DSCAML1: variants seen among roughly 807,000 people sequenced by gnomAD.
DSCAML1 encodes the protein DS cell adhesion molecule like 1.
Under a neutral mutation model 200.5 loss-of-function variants are expected in DSCAML1, and 38 were observed. The observed-to-expected ratio is 0.19, with a 90% CI of 0.15 to 0.25. The LOEUF (loss-of-function observed/expected upper bound fraction) is 0.25. DSCAML1 is among the 10% of genes least tolerant of loss of function. The probability of loss-of-function intolerance (pLI) is 1.00; values close to 1 mark genes in which losing one functional copy is unlikely to be tolerated. For synonymous variants in DSCAML1, 1,215 were observed against 1,165.0 expected, an observed-to-expected ratio of 1.04 and a Z score of -0.87; for missense variants, 2,223 against 2,858.8, an observed-to-expected ratio of 0.78 and a Z score of 5.07.
intron 3 of DSCAML1, among the ~76,000 whole-genome samples, chr11:117,751,997 C>T (rs2054613270): frequency 6.6e-6 from 1 of 152,134 alleles, no homozygotes; most frequent in Non-Finnish European, 1.5e-5. Flanking sequence ...GAATTATTGA[C>T]CTAATTGTTA....
chr11:117,568,530 A>G (rs1290316436), intron 3 of DSCAML1, among the ~76,000 whole-genome samples: 3 of 152,192 alleles, frequency 2.0e-5, no homozygotes, highest in Non-Finnish European at 2.9e-5. Flanking sequence ...GCAAAGTCTC[A>G]GGATACAAAA....
chr11:117,610,851 C>T (rs1052651790), intron 3 of DSCAML1, among the ~76,000 whole-genome samples: 3 of 147,812 alleles, frequency 2.0e-5, no homozygotes, highest in Non-Finnish European at 3.0e-5. Flanking sequence ...CCCCCCCCCC[C>T]CACAATGTGT....
At chr11:117,786,268 T>C (rs963027325) in intron 1 of DSCAML1, among the ~76,000 whole-genome samples, 2 of 152,236 alleles carry the variant, frequency 1.3e-5, no homozygotes, top group Non-Finnish European at 2.9e-5. Flanking sequence ...TTGGTTGTCA[T>C]GTGACAGACG....
chr11:117,618,953 G>A (rs566232545), intron 3 of DSCAML1, among the ~76,000 whole-genome samples: 9 of 152,306 alleles, frequency 5.9e-5, no homozygotes, highest in South Asian at 2.1e-4. Flanking sequence ...TACTGCAGAA[G>A]GCGAGCTCCT....
At chr11:117,443,601 C>T (rs2048114065) in intron 21 of DSCAML1, among the ~76,000 whole-genome samples, 1 of 152,192 alleles carries the variant, frequency 6.6e-6, no homozygotes, top group African/African-American at 2.4e-5. Context: ...GAGGCGACTC[C>T]CCCTTTTTCA....
rs2047945831 is a variant in DSCAML1 at position 117,437,564 on chromosome 11, G to A, written c.4433-155C>T. On this transcript the variant is annotated intron_variant, in intron 25 of 32. Transcript: ENST00000651296. The surrounding 1 kb of genome is among the most constrained non-coding windows in gnomAD (Gnocchi z 5.3). ...CACAGATGGGGTGGGGAAGCCCCAG[G>A]GCGCAGAGGAGGAAGAGGAGGGGAG... Among the ~76,000 whole-genome samples the A allele has an allele frequency of 6.6e-6, 1 of 152,158 alleles. No homozygotes were observed. Among genetic ancestry groups the A allele is most frequent in the Non-Finnish European group, 1.5e-5 (1 of 68,024 alleles).
chr11:117,510,210 T>G (rs143780048), intron 8 of DSCAML1, among the ~76,000 whole-genome samples: 13 of 152,316 alleles, frequency 8.5e-5, no homozygotes, highest in Non-Finnish European at 1.8e-4. Flanking sequence ...GAGCCTTTTA[T>G]TTACTGCACC....
In DSCAML1 at chr11:117,524,912, G is replaced by A. The variant is rs1187923080; in HGVS notation, c.830C>T (p.Thr277Ile). ...CCGCAAGTCGCTGATGGTCAGCCCT[G>A]TGATGCGCTTGGTCCAGCGGCTGTC... is the stretch of plus-strand genomic sequence containing the variant. Reference protein sequence around the residue: ...PADSRWTKRITGLTISDLRTE... With the variant: ...PADSRWTKRIIGLTISDLRTE... Residue 277 changes from threonine to isoleucine, a missense_variant, in exon 5 of 33, where the codon ACA becomes ATA. By Grantham distance (89) the Thr-to-Ile change is moderately conservative (BLOSUM62 -1). Coordinates refer to ENST00000651296, the MANE Select transcript of DSCAML1 (RefSeq NM_020693.4). 6.2e-7 allele frequency: 1 copy of A among 1,613,686 alleles called. No homozygotes were observed. The highest frequency in any genetic ancestry group is 8.5e-7 in the Non-Finnish European group (1 of 1,179,904).
intron 3 of DSCAML1, among the ~76,000 whole-genome samples, chr11:117,550,632 C>T (rs1362606886): frequency 1.3e-5 from 2 of 152,168 alleles, no homozygotes; most frequent in African/African-American, 4.8e-5. Context: ...AGCAAGGAGA[C>T]GGGCCCCGCC....
intron 3 of DSCAML1, among the ~76,000 whole-genome samples, chr11:117,685,262 A>C (rs548955375): frequency 2.0e-4 from 30 of 152,360 alleles, no homozygotes; most frequent in African/African-American, 7.2e-4. Flanking sequence ...AAGCTCAGAC[A>C]GGCTGTGTGA....
In DSCAML1 at chr11:117,480,887, G is replaced by A. The variant is rs2048901684; in HGVS notation, c.2656+287C>T. ...ACTTTCCCTTCCCACACCTGCTGCAGGGGCCTGGACCCAGGAACCTGACTC... is the reference window on the plus strand; with the variant it reads ...ACTTTCCCTTCCCACACCTGCTGCAAGGGCCTGGACCCAGGAACCTGACTC... On this transcript the variant is annotated intron_variant, in intron 13 of 32. Transcript: ENST00000651296. This position sits in a 1 kb window ranked among gnomAD's most constrained non-coding sequence, Gnocchi z 4.1. 6.6e-6 allele frequency among the ~76,000 whole-genome samples: 1 copy of A among 152,210 alleles called. No individual in the cohort carries two copies. Among genetic ancestry groups the A allele is most frequent in the Admixed American group, 6.5e-5 (1 of 15,290 alleles).
At chr11:117,499,072 G>A (rs1397669000) in intron 11 of DSCAML1, among the ~76,000 whole-genome samples, 1 of 152,160 alleles carries the variant, frequency 6.6e-6, no homozygotes, top group Non-Finnish European at 1.5e-5. Context: ...GCCTTCTTAT[G>A]CCTGGGACTA....
At chr11:117,677,189 A>G (rs368666078) in intron 3 of DSCAML1, among the ~76,000 whole-genome samples, 6 of 152,328 alleles carry the variant, frequency 3.9e-5, no homozygotes, top group African/African-American at 1.4e-4. Context: ...GAATTTCTTC[A>G]GGAGCCTAAA....
At chr11:117,654,772 C>T (rs2052700600) in intron 3 of DSCAML1, among the ~76,000 whole-genome samples, 1 of 152,166 alleles carries the variant, frequency 6.6e-6, no homozygotes, top group Non-Finnish European at 1.5e-5. Flanking sequence ...CACATGCACA[C>T]CCACCCCTGT....
At chr11:117,687,250 C>A (rs942856717) in intron 3 of DSCAML1, among the ~76,000 whole-genome samples, 1 of 151,892 alleles carries the variant, frequency 6.6e-6, no homozygotes, top group Non-Finnish European at 1.5e-5. Flanking sequence ...AGCCACTCTG[C>A]GTTTATTTTT....
chr11:117,663,045 A>G (rs1346367985), intron 3 of DSCAML1, among the ~76,000 whole-genome samples: 1 of 152,162 alleles, frequency 6.6e-6, no homozygotes, highest in East Asian at 1.9e-4. Flanking sequence ...GGAGATGGGG[A>G]AGGACTCCAT....
rs561690465 is a variant in DSCAML1 at position 117,498,256 on chromosome 11, T to C, written c.2359+5589A>G. Among the ~76,000 whole-genome samples, 1 of 152,280 alleles carries C rather than the reference T, an allele frequency of 6.6e-6. No individual in the cohort carries two copies. The highest frequency in any genetic ancestry group is 2.1e-4 in the South Asian group (1 of 4,820). On this transcript the variant is annotated intron_variant, in intron 11 of 32. Coordinates refer to ENST00000651296, the MANE Select transcript of DSCAML1 (RefSeq NM_020693.4). The surrounding 1 kb of genome is among the most constrained non-coding windows in gnomAD (Gnocchi z 4.0). Reference sequence around the variant, plus strand: ...TTGTCACCTGTGCTGAGAGGGGCCTTGTGAGTATAGTGTGTGGACACCCAA... The same window carrying C: ...TTGTCACCTGTGCTGAGAGGGGCCTCGTGAGTATAGTGTGTGGACACCCAA...
chr11:117,698,676 C>T (rs2053621645), intron 3 of DSCAML1, among the ~76,000 whole-genome samples: 1 of 152,158 alleles, frequency 6.6e-6, no homozygotes, highest in South Asian at 2.1e-4. Flanking sequence ...CACCTAATGA[C>T]CGATGCTGAG....
chr11:117,624,327 A>G (rs1010557516), intron 3 of DSCAML1, among the ~76,000 whole-genome samples: 2 of 152,142 alleles, frequency 1.3e-5, no homozygotes, highest in Non-Finnish European at 1.5e-5. Context: ...CCTAAGAATG[A>G]CTGGAGTCAT....
Sources: gnomAD v4.1 joint callset for allele counts (sites outside exome capture counted in the v4.1 genomes callset) on GRCh38, gnomAD v4.1.1 for gene constraint, Gnocchi (gnomAD v3.1) non-coding constraint, MANE v1.5 for transcripts, NCBI Gene and HGNC (gene_info 2026-07-23, HGNC 2026-07-21) for gene names.